Variants in CACNA1I observed in about 807,000 individuals in gnomAD.
CACNA1I encodes the protein calcium voltage-gated channel subunit alpha1 I, also known as voltage-dependent T-type calcium channel subunit alpha-1I.
CACNA1I carries 74 observed loss-of-function variants against 201.6 expected under a neutral mutation model. That is an observed-to-expected ratio of 0.37 (90% CI 0.30 to 0.45). The LOEUF is 0.45. Ranked by LOEUF, CACNA1I falls within the 20% of genes least tolerant of loss-of-function variation. The pLI is 1.00. For missense variants in CACNA1I, 2,346 were observed against 3,138.1 expected (o/e 0.75, Z 6.03); for synonymous variants, 1,431 against 1,345.2 (o/e 1.06, Z -1.40).
intron 27 of CACNA1I, 43 bp from the exon 28 acceptor site, chr22:39,672,906 C>G: frequency 6.3e-7 from 1 of 1,582,300 alleles, no homozygotes; most frequent in Non-Finnish European, 8.6e-7. Flanking sequence ...CCAGAGGGAT[C>G]CTCCTCATGC....
At chr22:39,582,311 G>A (rs545240293) in intron 1 of CACNA1I, among the ~76,000 whole-genome samples, 31 of 152,202 alleles carry the variant, frequency 2.0e-4, no homozygotes, top group Non-Finnish European at 3.1e-4. Flanking sequence ...GTTTTCAATC[G>A]GGGTGACTTT....
rs1601491609 is a variant in CACNA1I, at chr22:39,646,675, A to T, written c.1256A>T (p.Tyr419Phe). The T allele has an allele frequency of 6.3e-7, 1 of 1,584,034 alleles. No homozygotes were observed. The highest frequency in any genetic ancestry group is 8.6e-7 in the Non-Finnish European group (1 of 1,165,634). Residue 419 changes from tyrosine (Y) to phenylalanine (F), a missense_variant, in exon 8 of 37, where the codon TAC becomes TTC. Tyr to Phe is a conservative substitution (Grantham distance 22). Transcript: ENST00000402142. ...HRLMLEQRQR[Y>F]LSSSTVASYA... ...CTGATGCTGGAGCAGCGGCAGCGCTACCTGTCCTCCAGCACGGTGGCCAGC... is the reference window on the plus strand; with the variant it reads ...CTGATGCTGGAGCAGCGGCAGCGCTTCCTGTCCTCCAGCACGGTGGCCAGC...
rs1393319143 is a variant in CACNA1I, at chr22:39,672,289, A to G, written c.4630A>G (p.Arg1544Gly). ...GCTGAAGCTGGTGGCATTTGGTCTGAGGCGCTTCTTCAAGGACCGGTGAGT... is the reference window on the plus strand; with the variant it reads ...GCTGAAGCTGGTGGCATTTGGTCTGGGGCGCTTCTTCAAGGACCGGTGAGT... ...AVLKLVAFGL[R>G]RFFKDRWNQL... Residue 1544 changes from arginine (R) to glycine (G), a missense_variant, in exon 27 of 37, where the codon AGG becomes GGG. By Grantham distance (125) the Arg-to-Gly change is moderately radical. Transcript: ENST00000402142. 1 of 1,612,908 alleles carries G rather than the reference A, an allele frequency of 6.2e-7. No individual in the cohort carries two copies. Among genetic ancestry groups the G allele is most frequent in the African/African-American group, 1.3e-5 (1 of 74,972 alleles).
At chr22:39,577,137 A>G (rs989697342) in intron 1 of CACNA1I, among the ~76,000 whole-genome samples, 27 of 151,982 alleles carry the variant, frequency 1.8e-4, no homozygotes, top group African/African-American at 5.1e-4. Flanking sequence ...TTTTTAGTAG[A>G]GACGTGGTTT....
At chr22:39,598,516 C>A (rs1932946138) in intron 2 of CACNA1I, among the ~76,000 whole-genome samples, 2 of 152,046 alleles carry the variant, frequency 1.3e-5, no homozygotes, top group South Asian at 4.1e-4. Context: ...CGGATCCTCT[C>A]TTCCCTTTAT....
At chr22:39,623,889 AGTGT>A (rs761176022) in intron 4 of CACNA1I, among the ~76,000 whole-genome samples, 2 of 97,634 alleles carry the variant, frequency 2.0e-5, no homozygotes, top group Non-Finnish European at 4.1e-5. Context: ...GTGTGTGTGA[AGTGT>A]GTGTGTGCGC....
intron 4 of CACNA1I, among the ~76,000 whole-genome samples, chr22:39,620,969 G>C (rs1187040804): frequency 6.6e-6 from 1 of 152,124 alleles, no homozygotes; most frequent in Non-Finnish European, 1.5e-5. Flanking sequence ...TATTGGTCAG[G>C]CTGGTCTCGA....
chr22:39,596,073 C>T (rs1258759547), intron 1 of CACNA1I, among the ~76,000 whole-genome samples: 1 of 140,498 alleles, frequency 7.1e-6, no homozygotes, highest in East Asian at 2.1e-4. Context: ...TGATGTCACT[C>T]ACTGTGTGTC....
intron 3 of CACNA1I, among the ~76,000 whole-genome samples, chr22:39,616,869 G>A (rs1303332715): frequency 6.6e-6 from 1 of 152,214 alleles, no homozygotes; most frequent in Admixed American, 6.5e-5. Context: ...CTATCCTGGG[G>A]CAGGGGCCAT....
chr22:39,590,583 T>TG (rs1404096267), intron 1 of CACNA1I, among the ~76,000 whole-genome samples: 1 of 152,154 alleles, frequency 6.6e-6, no homozygotes, highest in East Asian at 1.9e-4. Context: ...CCATCTCAGT[T>TG]GGGGGTCCCT....
At chr22:39,619,537 G>A (rs530941760) in intron 4 of CACNA1I, 130 bp downstream of exon 4, 13 of 691,776 alleles carry the variant, frequency 1.9e-5, no homozygotes, top group African/African-American at 7.3e-5. Context: ...ATTAGGGCCC[G>A]GGTGTGCTCA....
intron 5 of CACNA1I, among the ~76,000 whole-genome samples, chr22:39,639,661 G>A (rs1471183117): frequency 6.6e-6 from 1 of 152,132 alleles, no homozygotes; most frequent in Non-Finnish European, 1.5e-5. Flanking sequence ...TATGGTGTGA[G>A]GTTGGGATCC....
intron 34 of CACNA1I, among the ~76,000 whole-genome samples, chr22:39,681,402 C>T (rs1244249239): frequency 6.6e-6 from 1 of 152,218 alleles, no homozygotes; most frequent in Non-Finnish European, 1.5e-5. Flanking sequence ...GCACAAGCAC[C>T]TGCTATGTGC....
At chr22:39,590,895 G>A (rs1004690854) in intron 1 of CACNA1I, among the ~76,000 whole-genome samples, 1 of 152,306 alleles carries the variant, frequency 6.6e-6, no homozygotes, top group South Asian at 2.1e-4. Context: ...GCTCAGGCTG[G>A]AGTGAAGTGG....
rs73888115 is a variant in CACNA1I, at chr22:39,675,292, G to A, written c.4854+1259G>A. ...GCTTATGAAGCACTTAAGAGGTCTGGTTCATGAGAAGTGCCATTTAAGAGG... is the reference window on the plus strand; with the variant it reads ...GCTTATGAAGCACTTAAGAGGTCTGATTCATGAGAAGTGCCATTTAAGAGG... On this transcript the variant is annotated intron_variant, in intron 29 of 36. Transcript: ENST00000402142. 8.0e-3 allele frequency among the ~76,000 whole-genome samples: 1,212 copies of A among 152,362 alleles called. 16 individuals are homozygous for A. The highest frequency in any genetic ancestry group is 0.028 in the African/African-American group (1,154 of 41,590).
intron 3 of CACNA1I, among the ~76,000 whole-genome samples, chr22:39,607,184 A>G (rs902778942): frequency 6.6e-6 from 1 of 152,220 alleles, no homozygotes; most frequent in African/African-American, 2.4e-5. Context: ...TACAGAGAAC[A>G]GGAGGCGCCT....
intron 1 of CACNA1I, among the ~76,000 whole-genome samples, chr22:39,579,423 C>T (rs1219606135): frequency 2.6e-5 from 4 of 152,214 alleles, no homozygotes; most frequent in African/African-American, 9.6e-5. Flanking sequence ...TTATGGCTGG[C>T]TGTATCTGTC....
chr22:39,686,129 C>G lies in CACNA1I; in HGVS notation c.6396C>G (p.Leu2132=). The G allele has an allele frequency of 1.6e-6, 2 of 1,267,616 alleles. No homozygotes were observed. Among genetic ancestry groups the G allele is most frequent in the Non-Finnish European group, 2.0e-6 (2 of 1,009,210 alleles). The allele number at this position is 1,267,616 out of a possible 1,614,324, so 78.5% of individuals were successfully genotyped here. ...EHSETLSSLS[L]TSLFCPPPPP... ...CGGAGACCCTCAGCAGCCTCTCGCT[C>G]ACCTCCCTCTTCTGCCCGCCGCCCC... Residue 2132 remains leucine, a synonymous_variant, in exon 37 of 37, where the codon CTC becomes CTG. Transcript: ENST00000402142.
intron 4 of CACNA1I, among the ~76,000 whole-genome samples, chr22:39,631,022 G>A (rs1300972643): frequency 6.6e-6 from 1 of 152,192 alleles, no homozygotes; most frequent in Admixed American, 6.5e-5. Flanking sequence ...TGTGAGCAGG[G>A]GCCAGGAAGG....
Sources: gnomAD v4.1 joint callset for allele counts (sites outside exome capture counted in the v4.1 genomes callset) on GRCh38, gnomAD v4.1.1 for gene constraint, MANE v1.5 for transcripts, NCBI Gene and HGNC (gene_info 2026-07-23, HGNC 2026-07-21) for gene names.